TSHR: variants seen among roughly 807,000 people sequenced by gnomAD.
TSHR encodes thyrotropin receptor.
A neutral mutation model predicts 64.1 loss-of-function variants in TSHR; 51 were observed. The ratio of observed to expected loss-of-function variants is 0.80; its 90% CI spans 0.64 to 1.01. TSHR has a LOEUF of 1.01. Ranked by LOEUF, TSHR falls within the 50% of genes least tolerant of loss-of-function variation. TSHR has a pLI of 0.00. For missense variants in TSHR, 877 were observed against 942.8 expected (o/e 0.93, Z 0.91); for synonymous variants, 361 against 361.9 (o/e 1.00, Z 0.03).
chr14:81,046,913 A>T (rs1001898979), intron 1 of TSHR, among the ~76,000 whole-genome samples: 3 of 152,202 alleles, frequency 2.0e-5, no homozygotes, highest in Non-Finnish European at 2.9e-5. Context: ...ACAGAATAAC[A>T]TCATTAAAGT....
intron 1 of TSHR, among the ~76,000 whole-genome samples, chr14:81,037,737 A>T (rs948598173): frequency 9.2e-5 from 8 of 87,062 alleles, no homozygotes; most frequent in African/African-American, 1.7e-4. Context: ...GGGGAGACAA[A>T]GAAGGTAAAT....
At chr14:80,973,402 T>TAAAAAAA (rs1887685828) in intron 1 of TSHR, among the ~76,000 whole-genome samples, 1 of 5,396 alleles carries the variant, frequency 1.9e-4, no homozygotes, top group African/African-American at 4.8e-4. Flanking sequence ...AGACGCTGTC[T>TAAAAAAA]CAAAAAAAAA....
At chr14:81,044,163 G>C (rs1885053556) in intron 1 of TSHR, among the ~76,000 whole-genome samples, 2 of 152,190 alleles carry the variant, frequency 1.3e-5, no homozygotes, top group South Asian at 4.1e-4. Flanking sequence ...AACAGAATGG[G>C]AGAAAAGTTT....
In TSHR at chr14:80,958,318, C is replaced by T. The variant is rs45516798; in HGVS notation, c.170+2468C>T. On this transcript the variant is annotated intron_variant, in intron 1 of 9. Coordinates refer to ENST00000298171, the MANE Select transcript of TSHR (RefSeq NM_000369.5). Reference sequence around the variant, plus strand: ...CACAAAAATAAAATGAAGTAATTTGCTCAATGTTGCACAGCTTGTAAGTGG... The same window carrying T: ...CACAAAAATAAAATGAAGTAATTTGTTCAATGTTGCACAGCTTGTAAGTGG... 1,220 of 152,196 alleles carry T rather than the reference C, an allele frequency of 8.0e-3. 11 individuals carry two copies. The highest frequency in any genetic ancestry group is 9.9e-3 in the Non-Finnish European group (674 of 68,034). The allele number at this position is 152,196 out of a possible 1,614,324, so 9.4% of individuals were successfully genotyped here. A position where few individuals can be genotyped will look rare whatever the true frequency, so the allele number is the denominator to read the frequency against.
intron 7 of TSHR, chr14:81,104,069 A>C (rs778499109): frequency 1.0e-6 from 1 of 985,348 alleles, no homozygotes; most frequent in Non-Finnish European, 1.2e-6. Flanking sequence ...GCTATTATTT[A>C]TCATGGGGTA....
intron 1 of TSHR, among the ~76,000 whole-genome samples, chr14:80,990,511 T>C (rs1434947403): frequency 6.6e-6 from 1 of 152,134 alleles, no homozygotes; most frequent in Non-Finnish European, 1.5e-5. Context: ...AGGATGCAAA[T>C]AAGATATGTC....
intron 1 of TSHR, among the ~76,000 whole-genome samples, chr14:80,976,867 T>C (rs572925290): frequency 6.6e-6 from 1 of 152,376 alleles, no homozygotes; most frequent in African/African-American, 2.4e-5. Flanking sequence ...TTCTGCCCAA[T>C]GGTTCCCAGA....
chr14:81,068,854 A>G (rs919547510), intron 3 of TSHR, among the ~76,000 whole-genome samples: 2 of 152,204 alleles, frequency 1.3e-5, no homozygotes, highest in African/African-American at 4.8e-5. Context: ...CATTTGCAAA[A>G]TAAGTGTAAT....
At chr14:80,960,961 T>G (rs1412344680) in intron 1 of TSHR, among the ~76,000 whole-genome samples, 1 of 152,246 alleles carries the variant, frequency 6.6e-6, no homozygotes, top group African/African-American at 2.4e-5. Flanking sequence ...CAACTGTCCC[T>G]GTCTCTTTAA....
intron 1 of TSHR, chr14:80,992,405 A>T: frequency 6.6e-6 from 1 of 151,554 alleles, no homozygotes; most frequent in Non-Finnish European, 1.5e-5. Flanking sequence ...CTCAAAAAAA[A>T]AAAAAAAAAA....
rs941301127 is a variant in TSHR at position 81,103,674 on chromosome 14, T to C, written c.615-4701T>C. On this transcript the variant is annotated intron_variant, in intron 7 of 9. Coordinates refer to ENST00000298171, the MANE Select transcript of TSHR (RefSeq NM_000369.5). This position sits in a 1 kb window ranked among gnomAD's most constrained non-coding sequence, Gnocchi z 4.1. Reference sequence around the variant, plus strand: ...CACTCAGAGGTGAAATTAATAATAATACAAGCATCCCTTGCTCAACAGAAG... The same window carrying C: ...CACTCAGAGGTGAAATTAATAATAACACAAGCATCCCTTGCTCAACAGAAG... 1.1e-5 allele frequency: 11 copies of C among 985,346 alleles called. No homozygotes were observed. Among genetic ancestry groups the C allele is most frequent in the Non-Finnish European group, 1.1e-5 (9 of 829,940 alleles). The allele number at this position is 985,346 out of a possible 1,614,324, so 61.0% of individuals were successfully genotyped here.
intron 1 of TSHR, among the ~76,000 whole-genome samples, chr14:81,045,492 T>C (rs1036374524): frequency 1.3e-5 from 2 of 152,142 alleles, no homozygotes; most frequent in African/African-American, 4.8e-5. Flanking sequence ...TATCAACCCG[T>C]CAGCTAGGTA....
chr14:81,103,514 A>C lies in TSHR; in HGVS notation c.615-4861A>C. 5 of 985,506 alleles carry C rather than the reference A, an allele frequency of 5.1e-6. No homozygotes were observed. Among genetic ancestry groups the C allele is most frequent in the Non-Finnish European group, 6.0e-6 (5 of 829,946 alleles). The allele number at this position is 985,506 out of a possible 1,614,324, so 61.0% of individuals were successfully genotyped here. A position where few individuals can be genotyped will look rare whatever the true frequency, so the allele number is the denominator to read the frequency against. ...AATAATACAATTACAGCCAAGCTGG[A>C]CAAATTCCACATCGAGTGCAAGTGC... On this transcript the variant is annotated intron_variant, in intron 7 of 9. Transcript: ENST00000298171. This position sits in a 1 kb window ranked among gnomAD's most constrained non-coding sequence, Gnocchi z 4.1.
At chr14:81,026,676 T>C (rs969231672) in intron 1 of TSHR, among the ~76,000 whole-genome samples, 1 of 151,934 alleles carries the variant, frequency 6.6e-6, no homozygotes, top group Non-Finnish European at 1.5e-5. Flanking sequence ...CAATAAAAAA[T>C]GTTAAAAAAG....
chr14:81,127,559 T>C (rs1488245205), intron 8 of TSHR, among the ~76,000 whole-genome samples: 1 of 152,098 alleles, frequency 6.6e-6, no homozygotes, highest in Non-Finnish European at 1.5e-5. Context: ...CCAAATCTCA[T>C]CTTGAATTTT....
chr14:81,094,777 C>T (rs1435068607), intron 6 of TSHR, among the ~76,000 whole-genome samples: 1 of 141,862 alleles, frequency 7.0e-6, no homozygotes, highest in Admixed American at 7.5e-5. Context: ...ACCTCCGCCT[C>T]CCAGGTTCAA....
intron 6 of TSHR, chr14:81,093,771 T>C (rs1888942815): frequency 1.3e-5 from 2 of 152,184 alleles, no homozygotes; most frequent in African/African-American, 4.8e-5. Flanking sequence ...TTCTCAGTCA[T>C]AATTTCTTCT....
At chr14:80,973,127 C>T (rs1458134121) in intron 1 of TSHR, among the ~76,000 whole-genome samples, 2 of 151,970 alleles carry the variant, frequency 1.3e-5, no homozygotes, top group South Asian at 2.1e-4. Context: ...CGTACTTGGC[C>T]GGGCGCGGTG....
chr14:81,091,158 A>G lies in TSHR; in HGVS notation c.467+15A>G. On this transcript the variant is annotated intron_variant, in intron 5 of 9. Coordinates refer to ENST00000298171, the MANE Select transcript of TSHR (RefSeq NM_000369.5). ...TTCTTTATACTGTAAGTATGCACAC[A>G]TGCCATGTTTGACAATATTTTGTTT... 6.2e-7 allele frequency: 1 copy of G among 1,604,176 alleles called. No individual in the cohort carries two copies. Among genetic ancestry groups the G allele is most frequent in the Middle Eastern group, 1.7e-4 (1 of 6,052 alleles).
Sources: gnomAD v4.1 joint callset for allele counts (sites outside exome capture counted in the v4.1 genomes callset) on GRCh38, gnomAD v4.1.1 for gene constraint, Gnocchi (gnomAD v3.1) non-coding constraint, MANE v1.5 for transcripts, NCBI Gene and HGNC (gene_info 2026-07-23, HGNC 2026-07-21) for gene names.